Variants in FAM149B1 observed in about 807,000 individuals in gnomAD.
FAM149B1 encodes family with sequence similarity 149 member B1.
A neutral mutation model predicts 75.3 loss-of-function variants in FAM149B1; 56 were observed. The ratio of observed to expected loss-of-function variants is 0.74; its 90% CI spans 0.60 to 0.93. The LOEUF is 0.93. Ranked by LOEUF, FAM149B1 falls within the 40% of genes least tolerant of loss-of-function variation. The probability of loss-of-function intolerance (pLI) is 0.00; values close to 1 mark genes in which losing one functional copy is unlikely to be tolerated. For synonymous variants in FAM149B1, 259 were observed against 256.1 expected (o/e 1.01, Z -0.11); for missense variants, 639 against 708.4 (o/e 0.90, Z 1.11).
chr10:73,177,528 C>T lies in FAM149B1; in HGVS notation c.153-318C>T, dbSNP rs147920421. On this transcript the variant is annotated intron_variant, in intron 2 of 13. Coordinates refer to ENST00000242505, the MANE Select transcript of FAM149B1 (RefSeq NM_173348.2). ...GGCCGAGGTTGCAATGAGTCAATAT[C>T]GTGCCACTGCACTGTAGCCTGGGCG... Among the ~76,000 whole-genome samples the T allele has an allele frequency of 2.9e-3, 437 of 152,084 alleles. 2 individuals are homozygous for T. Among genetic ancestry groups the T allele is most frequent in the African/African-American group, 9.9e-3 (410 of 41,456 alleles).
At chr10:73,185,397 C>T (rs1326395177) in intron 3 of FAM149B1, among the ~76,000 whole-genome samples, 2 of 152,038 alleles carry the variant, frequency 1.3e-5, no homozygotes, top group Non-Finnish European at 2.9e-5. Flanking sequence ...AAAACTAAAA[C>T]AATTAGCCAG....
At chr10:73,239,411 T>TA in intron 13 of FAM149B1, 27 bp downstream of exon 13, 1 of 1,526,218 alleles carries the variant, frequency 6.6e-7, no homozygotes, top group Non-Finnish European at 8.9e-7. Context: ...GGCCCTTATT[T>TA]ACTACTGTGT....
chr10:73,210,187 C>A, intron 6 of FAM149B1, 64 bp from the exon 7 acceptor site: 2 of 1,172,504 alleles, frequency 1.7e-6, no homozygotes, highest in East Asian at 2.6e-5. Flanking sequence ...AATACACAGA[C>A]AATTTTAGAA....
rs190864673 is a variant in FAM149B1 at position 73,214,025 on chromosome 10, G to C, written c.898+3587G>C. ...AGTGTTTTGTAGTTCTCCTTATAGA[G>C]ATCTTTCACCTCCATGCTTAAATAT... On this transcript the variant is annotated intron_variant, in intron 7 of 13. Coordinates refer to ENST00000242505, the MANE Select transcript of FAM149B1 (RefSeq NM_173348.2). Among the ~76,000 whole-genome samples, 53 of 152,168 alleles carry C rather than the reference G, an allele frequency of 3.5e-4. 1 individual carries two copies. The highest frequency in any genetic ancestry group is 1.2e-3 in the African/African-American group (49 of 41,492).
At chr10:73,190,721 C>CT (rs35231374) in intron 3 of FAM149B1, among the ~76,000 whole-genome samples, 7,240 of 134,266 alleles carry the variant, frequency 0.054, 613 homozygotes, top group African/African-American at 0.19. Flanking sequence ...CCTCTGACTG[C>CT]TTTTTTTTTT....
rs1332367972 is a variant in FAM149B1 at position 73,168,152 on chromosome 10, A to C, written c.-188A>C. 2 of 600,634 alleles carry C rather than the reference A, an allele frequency of 3.3e-6. No homozygotes were observed. Among genetic ancestry groups the C allele is most frequent in the Non-Finnish European group, 2.9e-6 (1 of 347,872 alleles). The allele number at this position is 600,634 out of a possible 1,614,324, so 37.2% of individuals were successfully genotyped here. The stretch of plus-strand genomic sequence containing the variant: ...CCCCGCGGCAAAGCAGGGAGGTCGG[A>C]GGACTGGAGAGGTGGGGACCCTGGG... On this transcript the variant is annotated 5_prime_UTR_variant, in exon 1 of 14. Transcript: ENST00000242505.
chr10:73,232,668 T>C (rs926421667), intron 9 of FAM149B1, among the ~76,000 whole-genome samples: 1 of 152,196 alleles, frequency 6.6e-6, no homozygotes, highest in Non-Finnish European at 1.5e-5. Context: ...AAAGTGACTG[T>C]GATGGCAGGT....
intron 7 of FAM149B1, among the ~76,000 whole-genome samples, chr10:73,216,848 A>G (rs2043308781): frequency 6.6e-6 from 1 of 152,222 alleles, no homozygotes. Flanking sequence ...AAAGTGTGTT[A>G]TAAGTTCTGA....
chr10:73,237,839 G>A (rs148072613), intron 12 of FAM149B1, among the ~76,000 whole-genome samples: 4 of 151,970 alleles, frequency 2.6e-5, no homozygotes, highest in East Asian at 1.9e-4. Flanking sequence ...TCCTCCCACC[G>A]CAGCCTCCCA....
chr10:73,232,485 T>C (rs1350962162), intron 9 of FAM149B1, among the ~76,000 whole-genome samples: 1 of 152,220 alleles, frequency 6.6e-6, no homozygotes, highest in East Asian at 1.9e-4. Flanking sequence ...GGAGCCACAC[T>C]GGTGCCACAA....
In FAM149B1 at chr10:73,168,165, T is replaced by G. The variant is rs1315284311; in HGVS notation, c.-175T>G. 7.7e-6 allele frequency: 5 copies of G among 647,646 alleles called. No individual in the cohort carries two copies. The highest frequency in any genetic ancestry group is 1.3e-5 in the Non-Finnish European group (5 of 383,180). 40.1% of individuals were successfully genotyped at this position (647,646 alleles called of 1,614,324 possible). A position where few individuals can be genotyped will look rare whatever the true frequency, so the allele number is the denominator to read the frequency against. ...CAGGGAGGTCGGAGGACTGGAGAGG[T>G]GGGGACCCTGGGGAGGTGGCTGCTC... is the stretch of plus-strand genomic sequence containing the variant. On this transcript the variant is annotated 5_prime_UTR_variant, in exon 1 of 14. Coordinates refer to ENST00000242505, the MANE Select transcript of FAM149B1 (RefSeq NM_173348.2).
At chr10:73,227,481 C>T (rs185277024) in intron 7 of FAM149B1, among the ~76,000 whole-genome samples, 1 of 152,286 alleles carries the variant, frequency 6.6e-6, no homozygotes, top group East Asian at 1.9e-4. Context: ...TTCTGAAGTC[C>T]TTGCTGATCC....
At chr10:73,225,959 A>G (rs1236806378) in intron 7 of FAM149B1, among the ~76,000 whole-genome samples, 1 of 152,222 alleles carries the variant, frequency 6.6e-6, no homozygotes, top group Non-Finnish European at 1.5e-5. Flanking sequence ...GGTGTGTAAT[A>G]GGCTGTATCA....
chr10:73,227,970 A>T, intron 7 of FAM149B1, 90 bp from the exon 8 acceptor site: 1 of 1,288,988 alleles, frequency 7.8e-7, no homozygotes, highest in South Asian at 1.3e-5. Context: ...GTTTGAGATT[A>T]TGAATTCTCA....
chr10:73,206,001 C>A (rs1431582292), intron 5 of FAM149B1, among the ~76,000 whole-genome samples: 2 of 152,102 alleles, frequency 1.3e-5, no homozygotes, highest in African/African-American at 4.8e-5. Context: ...GCTCAGAAGA[C>A]AACAGGAAGA....
intron 1 of FAM149B1, among the ~76,000 whole-genome samples, chr10:73,171,230 C>T (rs1013726706): frequency 3.3e-5 from 5 of 152,226 alleles, no homozygotes; most frequent in East Asian, 1.9e-4. Context: ...TGAGCCACCG[C>T]GCCTGGCCTA....
chr10:73,222,723 C>G (rs2043446709), intron 7 of FAM149B1, among the ~76,000 whole-genome samples: 1 of 152,136 alleles, frequency 6.6e-6, no homozygotes. Flanking sequence ...CTTTCATTAT[C>G]TGATATACAG....
At chr10:73,199,421 G>A (rs1362531170) in intron 5 of FAM149B1, among the ~76,000 whole-genome samples, 1 of 152,068 alleles carries the variant, frequency 6.6e-6, no homozygotes, top group African/African-American at 2.4e-5. Flanking sequence ...GTTTCACTGT[G>A]TTTGCCAGGA....
chr10:73,194,383 A>G (rs555684069), intron 5 of FAM149B1, among the ~76,000 whole-genome samples: 1 of 152,216 alleles, frequency 6.6e-6, no homozygotes, highest in African/African-American at 2.4e-5. Flanking sequence ...TGAAAAAGTG[A>G]TTTATTTTTT....
Sources: gnomAD v4.1 joint callset for allele counts (sites outside exome capture counted in the v4.1 genomes callset) on GRCh38, gnomAD v4.1.1 for gene constraint, MANE v1.5 for transcripts, NCBI Gene and HGNC (gene_info 2026-07-23, HGNC 2026-07-21) for gene names.